GSTO1: variants seen among roughly 807,000 people sequenced by gnomAD.
The protein encoded by GSTO1 is glutathione S-transferase omega-1.
Under a neutral mutation model 23.8 loss-of-function variants are expected in GSTO1, and 27 were observed. The observed-to-expected ratio is 1.13, with a 90% CI of 0.83 to 1.56. The LOEUF (loss-of-function observed/expected upper bound fraction) is 1.56. Ranked by LOEUF, GSTO1 falls within the 40% of genes most tolerant of loss-of-function variation. The pLI is 0.00. For synonymous variants in GSTO1, 105 were observed against 109.3 expected, an observed-to-expected ratio of 0.96 and a Z score of 0.25; for missense variants, 255 against 285.8, an observed-to-expected ratio of 0.89 and a Z score of 0.78.
rs1456395243 is a variant in GSTO1, at chr10:104,267,237, T to C, written c.573-15T>C. 5 of 1,594,432 alleles carry C rather than the reference T, an allele frequency of 3.1e-6. No homozygotes were observed. Among genetic ancestry groups the C allele is most frequent in the Non-Finnish European group, 4.3e-6 (5 of 1,169,024 alleles). The stretch of plus-strand genomic sequence containing the variant: ...TGACCTAGCTCACACCTTTCATTTT[T>C]TCCTCTTCCCACAGGTGTGTAGACC... On this transcript the variant is annotated splice_polypyrimidine_tract_variant and intron_variant, in intron 5 of 5. Transcript: ENST00000369713.
Position 104,263,079 on chromosome 10 carries a change from T to TTCTGACTAATAAG in GSTO1, c.465+2_465+3insTCTGACTAATAAG. On this transcript the variant is annotated splice_region_variant and intron_variant, in intron 4 of 5. Coordinates refer to ENST00000369713, the MANE Select transcript of GSTO1 (RefSeq NM_004832.3). ...AAAGAATTTACCAAGCTAGAGGAGG[T>TTCTGACTAATAAG]AATTATTTCTCCTAGCTATCATCAG... 1 of 1,158,380 alleles carries TTCTGACTAATAAG rather than the reference T, an allele frequency of 8.6e-7. No homozygotes were observed. Among genetic ancestry groups the TTCTGACTAATAAG allele is most frequent in the East Asian group, 2.3e-5 (1 of 42,958 alleles). The allele number at this position is 1,158,380 out of a possible 1,614,324, so 71.8% of individuals were successfully genotyped here. A position where few individuals can be genotyped will look rare whatever the true frequency, so the allele number is the denominator to read the frequency against.
intron 4 of GSTO1, among the ~76,000 whole-genome samples, chr10:104,265,710 G>C (rs545310669): frequency 7.2e-5 from 11 of 152,252 alleles, no homozygotes; most frequent in Admixed American, 5.2e-4. Flanking sequence ...ATGATAATTG[G>C]CCATTTGGAC....
chr10:104,266,068 G>A lies in GSTO1; in HGVS notation c.466-16G>A, dbSNP rs1325587701. 3 of 1,267,408 alleles carry A rather than the reference G, an allele frequency of 2.4e-6. No homozygotes were observed. Among genetic ancestry groups the A allele is most frequent in the Admixed American group, 3.4e-5 (2 of 59,402 alleles). 78.5% of individuals were successfully genotyped at this position (1,267,408 alleles called of 1,614,324 possible). On this transcript the variant is annotated splice_polypyrimidine_tract_variant and intron_variant, in intron 4 of 5. Transcript: ENST00000369713. ...ATGCACAAGTAAGAAATACTTTTATGCTGTTTAATGTTCAGGTTCTGACTA... is the reference window on the plus strand; with the variant it reads ...ATGCACAAGTAAGAAATACTTTTATACTGTTTAATGTTCAGGTTCTGACTA...
At chr10:104,265,055 G>T (rs754730184) in intron 4 of GSTO1, among the ~76,000 whole-genome samples, 2 of 152,148 alleles carry the variant, frequency 1.3e-5, no homozygotes, top group African/African-American at 4.8e-5. Context: ...TTGCACCGTC[G>T]TAAAGTTGAA....
intron 2 of GSTO1, 87 bp downstream of exon 2, chr10:104,255,358 A>AC (rs1017210581): frequency 3.8e-6 from 3 of 797,896 alleles, no homozygotes; most frequent in African/African-American, 1.7e-5. Context: ...GCCCCCTTCT[A>AC]CCCCCCTCCC....
At chr10:104,257,357 T>C (rs2011105092) in intron 2 of GSTO1, among the ~76,000 whole-genome samples, 2 of 151,394 alleles carry the variant, frequency 1.3e-5, no homozygotes, top group African/African-American at 2.4e-5. Context: ...TTTTTTTTTT[T>C]CGAGACAGGG....
At position 104,267,388 on chromosome 10, in the gene GSTO1, T is replaced by C; in HGVS notation, c.709T>C (p.Cys237Arg). The C allele has an allele frequency of 6.2e-7, 1 of 1,610,882 alleles. No homozygotes were observed. The highest frequency in any genetic ancestry group is 8.5e-7 in the Non-Finnish European group (1 of 1,178,610). The part of the protein sequence containing the change: ...ELYLQNSPEA[C>R]DYGL ...CTACTTACAGAACAGCCCTGAGGCC[T>C]GTGACTATGGGCTCTGAAGGGGGCA... Residue 237 changes from cysteine to arginine, a missense_variant, in exon 6 of 6, where the codon TGT becomes CGT. Physicochemically the swap from Cys to Arg is radical, Grantham distance 180. Coordinates refer to ENST00000369713, the MANE Select transcript of GSTO1 (RefSeq NM_004832.3).
chr10:104,259,933 G>C, intron 3 of GSTO1, 135 bp downstream of exon 3: 1 of 637,048 alleles, frequency 1.6e-6, no homozygotes, highest in South Asian at 1.9e-5. Flanking sequence ...TGAGTGTCCT[G>C]CAAGTCCTTT....
intron 5 of GSTO1, 56 bp downstream of exon 5, chr10:104,266,246 A>G (rs2011181502): frequency 1.1e-6 from 1 of 906,786 alleles, no homozygotes. Context: ...AATAGTATAT[A>G]TTGACCTTTC....
intron 2 of GSTO1, among the ~76,000 whole-genome samples, chr10:104,258,814 C>G (rs1394187794): frequency 6.6e-6 from 1 of 152,098 alleles, no homozygotes; most frequent in Non-Finnish European, 1.5e-5. Context: ...AGCCACTGTA[C>G]TCCAGTCTGG....
At chr10:104,265,942 T>G in intron 4 of GSTO1, 142 bp from the exon 5 acceptor site, 1 of 504,284 alleles carries the variant, frequency 2.0e-6, no homozygotes, top group South Asian at 2.8e-5. Flanking sequence ...AATTAAGCTT[T>G]TTGATCAGAA....
At position 104,266,985 on chromosome 10, in the gene GSTO1, TAATA is replaced by T. The variant is rs1205792681; in HGVS notation, c.573-263_573-260del. On this transcript the variant is annotated intron_variant, in intron 5 of 5. Coordinates refer to ENST00000369713, the MANE Select transcript of GSTO1 (RefSeq NM_004832.3). The stretch of plus-strand genomic sequence containing the variant: ...CTGATTGTATTCCCTGTTCTTATTT[TAATA>T]AATTGTCAGTTTCTCTCTTTGGGCA... Among the ~76,000 whole-genome samples, 10 of 152,204 alleles carry T rather than the reference TAATA, an allele frequency of 6.6e-5. No homozygotes were observed. In the East Asian group the frequency reaches 1.9e-3, roughly 29 times the overall value.
intron 4 of GSTO1, among the ~76,000 whole-genome samples, chr10:104,263,550 T>G (rs1223364307): frequency 6.6e-6 from 1 of 152,184 alleles, no homozygotes; most frequent in South Asian, 2.1e-4. Flanking sequence ...GTACAGACAC[T>G]TGAGGGAAGC....
chr10:104,259,523 C>T, intron 2 of GSTO1, 53 bp from the exon 3 acceptor site: 16 of 1,187,256 alleles, frequency 1.3e-5, no homozygotes, highest in Non-Finnish European at 1.7e-5. Flanking sequence ...AGAATTTATC[C>T]AAAAGCACAA....
At chr10:104,259,485 A>T (rs1334705384) in intron 2 of GSTO1, 91 bp from the exon 3 acceptor site, 4 of 758,446 alleles carry the variant, frequency 5.3e-6, no homozygotes, top group Non-Finnish European at 8.9e-6. Context: ...TTGGGGTCTG[A>T]TCAGCTAAGT....
At chr10:104,257,366 G>T (rs1193324064) in intron 2 of GSTO1, among the ~76,000 whole-genome samples, 1 of 149,946 alleles carries the variant, frequency 6.7e-6, no homozygotes, top group Non-Finnish European at 1.5e-5. Flanking sequence ...TTCGAGACAG[G>T]GTCTCGCCCT....
chr10:104,266,152 G>GC lies in GSTO1; in HGVS notation c.537dup (p.Trp180LeufsTer3). The GC allele has an allele frequency of 6.2e-7, 1 of 1,610,914 alleles. No homozygotes were observed. The highest frequency in any genetic ancestry group is 8.5e-7 in the Non-Finnish European group (1 of 1,177,170). ...TCTCTATGATTGATTACCTCATCTG[G>GC]CCCTGGTTTGAACGGCTGGAAGCAA... On this transcript the variant is annotated frameshift_variant, in exon 5 of 6. Transcript: ENST00000369713. LOFTEE classifies it low-confidence loss of function (END_TRUNC).
chr10:104,265,248 T>A (rs2011169747), intron 4 of GSTO1, among the ~76,000 whole-genome samples: 1 of 152,262 alleles, frequency 6.6e-6, no homozygotes, highest in African/African-American at 2.4e-5. Context: ...TGGGCTTTTT[T>A]GTACTTTATA....
At chr10:104,255,094 G>C in intron 1 of GSTO1, 69 bp from the exon 2 acceptor site, 1 of 1,436,726 alleles carries the variant, frequency 7.0e-7, no homozygotes, top group Non-Finnish European at 9.7e-7. Flanking sequence ...AGTGGGACGC[G>C]GGGGCGGTGG....
Sources: allele counts gnomAD v4.1 joint callset (sites outside exome capture counted in the v4.1 genomes callset), GRCh38; gene constraint gnomAD v4.1.1; transcripts MANE v1.5; gene names NCBI Gene and HGNC (gene_info 2026-07-23, HGNC 2026-07-21).